The following LIMCH1 variants were observed in gnomAD, a reference collection of about 807,000 sequenced individuals.
The protein encoded by LIMCH1 is LIM and calponin homology domains-containing protein 1.
LIMCH1 carries 113 observed loss-of-function variants against 176.5 expected under a neutral mutation model. The ratio of observed to expected loss-of-function variants is 0.64; its 90% CI spans 0.55 to 0.75. The LOEUF is 0.75. Ranked by LOEUF, LIMCH1 falls within the 30% of genes least tolerant of loss-of-function variation. The probability of loss-of-function intolerance (pLI) is 0.00; values close to 1 mark genes in which losing one functional copy is unlikely to be tolerated. For missense variants in LIMCH1, 1,674 were observed against 1,814.9 expected, an observed-to-expected ratio of 0.92 and a Z score of 1.41; for synonymous variants, 619 against 645.9, an observed-to-expected ratio of 0.96 and a Z score of 0.63.
chr4:41,680,151 C>A (rs1714519277), intron 24 of LIMCH1, 53 bp downstream of exon 24: 3 of 1,188,884 alleles, frequency 2.5e-6, no homozygotes, highest in South Asian at 1.3e-5. Context: ...TCCTCAAAGT[C>A]TAGCAACACT....
intron 1 of LIMCH1, among the ~76,000 whole-genome samples, chr4:41,465,814 A>G (rs1277068820): frequency 6.6e-6 from 1 of 152,172 alleles, no homozygotes; most frequent in Admixed American, 6.5e-5. Context: ...CCACTGCCTG[A>G]TTTTACAAAT....
chr4:41,575,133 A>G (rs2084247455), intron 1 of LIMCH1, among the ~76,000 whole-genome samples: 1 of 152,246 alleles, frequency 6.6e-6, no homozygotes, highest in Non-Finnish European at 1.5e-5. Context: ...TATTGGTAGA[A>G]GACTAATGTA....
intron 12 of LIMCH1, 88 bp downstream of exon 12, chr4:41,633,173 C>A (rs996942310): frequency 1.2e-5 from 11 of 884,218 alleles, no homozygotes; most frequent in Non-Finnish European, 1.1e-5. Context: ...CTTAAAGTCA[C>A]AGTCTGCACC....
At chr4:41,489,755 A>T (rs1271661883) in intron 1 of LIMCH1, among the ~76,000 whole-genome samples, 1 of 151,764 alleles carries the variant, frequency 6.6e-6, no homozygotes, top group African/African-American at 2.4e-5. Flanking sequence ...CACTTGAAAA[A>T]ATATATATAT....
intron 1 of LIMCH1, among the ~76,000 whole-genome samples, chr4:41,574,805 G>C (rs776498413): frequency 1.1e-4 from 16 of 152,144 alleles, no homozygotes; most frequent in Non-Finnish European, 1.5e-4. Context: ...TGGGCACTTG[G>C]GGGTAGGTTT....
intron 1 of LIMCH1, among the ~76,000 whole-genome samples, chr4:41,417,857 T>A (rs1046944041): frequency 9.5e-4 from 144 of 152,134 alleles, no homozygotes; most frequent in Non-Finnish European, 1.5e-3. Flanking sequence ...GTTTGAAAAA[T>A]TTTTTTTACA....
At chr4:41,383,623 T>C (rs867321284) in intron 1 of LIMCH1, among the ~76,000 whole-genome samples, 3 of 152,262 alleles carry the variant, frequency 2.0e-5, no homozygotes, top group Middle Eastern at 6.8e-3. Context: ...AACAGAACCA[T>C]TGTATGGCGC....
At chr4:41,529,178 A>T (rs1365632508) in intron 3 of LIMCH1, among the ~76,000 whole-genome samples, 1 of 152,140 alleles carries the variant, frequency 6.6e-6, no homozygotes, top group Non-Finnish European at 1.5e-5. Context: ...CACATCTTGA[A>T]ACTCAATTTA....
At chr4:41,558,043 TTCACGTTCC>T (rs907444679) in intron 1 of LIMCH1, among the ~76,000 whole-genome samples, 1 of 152,120 alleles carries the variant, frequency 6.6e-6, no homozygotes, top group African/African-American at 2.4e-5. Context: ...ATGATGGTGT[TTCACGTTCC>T]TCAAGGACCC....
intron 10 of LIMCH1, among the ~76,000 whole-genome samples, chr4:41,631,866 A>G (rs943830993): frequency 6.6e-6 from 1 of 152,206 alleles, no homozygotes; most frequent in Non-Finnish European, 1.5e-5. Context: ...AGAGAGAGAA[A>G]GAAAAAGTTA....
chr4:41,682,675 C>CTTTTTTTTTTTTTTTTTT (rs200784058), intron 26 of LIMCH1, among the ~76,000 whole-genome samples: 1 of 142,382 alleles, frequency 7.0e-6, no homozygotes. Flanking sequence ...TTTTCTTCTT[C>CTTTTTTTTTTTTTTTTTT]TTCTTTTTTT....
At chr4:41,503,754 G>A (rs929471398) in intron 2 of LIMCH1, among the ~76,000 whole-genome samples, 9 of 152,222 alleles carry the variant, frequency 5.9e-5, no homozygotes, top group Non-Finnish European at 1.0e-4. Flanking sequence ...GAGTGTTGCC[G>A]GAGAAAAGCC....
At chr4:41,390,124 C>G (rs1055383984) in intron 1 of LIMCH1, among the ~76,000 whole-genome samples, 1 of 152,088 alleles carries the variant, frequency 6.6e-6, no homozygotes, top group Non-Finnish European at 1.5e-5. Context: ...TTCTAGGTGT[C>G]CCTTCCTGTG....
At chr4:41,599,346 C>T (rs748575233) in intron 2 of LIMCH1, among the ~76,000 whole-genome samples, 2 of 152,146 alleles carry the variant, frequency 1.3e-5, no homozygotes, top group Non-Finnish European at 2.9e-5. Flanking sequence ...AGACAAAAAA[C>T]TTTTATTGGC....
At chr4:41,431,791 T>C (rs2154136524) in intron 1 of LIMCH1, among the ~76,000 whole-genome samples, 1 of 152,302 alleles carries the variant, frequency 6.6e-6, no homozygotes, top group Non-Finnish European at 1.5e-5. Context: ...CTTGTGCTAT[T>C]ATGAGTTTTG....
rs28718072 is a variant in LIMCH1, at chr4:41,538,192, G to A, written c.-399G>A. The A allele has an allele frequency of 0.049, 47,832 of 985,588 alleles. 1,551 individuals carry two copies. Among genetic ancestry groups the A allele is most frequent in the South Asian group, 0.14 (3,042 of 21,288 alleles). 61.1% of individuals were successfully genotyped at this position (985,588 alleles called of 1,614,324 possible). On this transcript the variant is annotated 5_prime_UTR_variant, in exon 1 of 32. Coordinates refer to ENST00000503057, the MANE Select transcript of LIMCH1 (RefSeq NM_001330672.2). The stretch of plus-strand genomic sequence containing the variant: ...CCGCAGCAGCCTGCTTGTGGACAGA[G>A]CAGGGGTTGGCAGTGGTGACGACTG...
chr4:41,468,986 C>G (rs993468980), intron 1 of LIMCH1, among the ~76,000 whole-genome samples: 2 of 152,176 alleles, frequency 1.3e-5, no homozygotes, highest in African/African-American at 4.8e-5. Context: ...CCAAAAGACT[C>G]ATCAGAGGAC....
intron 1 of LIMCH1, among the ~76,000 whole-genome samples, chr4:41,467,845 C>G (rs1364280015): frequency 6.6e-6 from 1 of 152,216 alleles, no homozygotes. Flanking sequence ...GTAGGTACCC[C>G]TGAACTCAGA....
chr4:41,379,568 C>T (rs1472919022), intron 1 of LIMCH1, among the ~76,000 whole-genome samples: 2 of 152,120 alleles, frequency 1.3e-5, no homozygotes, highest in African/African-American at 4.8e-5. Context: ...GGAGGAGTAT[C>T]AAAGAATCTG....
Sources: allele counts gnomAD v4.1 joint callset (sites outside exome capture counted in the v4.1 genomes callset), GRCh38; gene constraint gnomAD v4.1.1; transcripts MANE v1.5; gene names NCBI Gene and HGNC (gene_info 2026-07-23, HGNC 2026-07-21).